Variants in BABAM2 observed in about 807,000 individuals in gnomAD.
BABAM2 encodes BRISC and BRCA1-A complex member 2.
In BABAM2, 31 loss-of-function variants were observed where a neutral mutation model predicts 54.7. The ratio of observed to expected loss-of-function variants is 0.57; its 90% CI spans 0.43 to 0.77. BABAM2 has a LOEUF of 0.77. Ranked by LOEUF, BABAM2 falls within the 30% of genes least tolerant of loss-of-function variation. The pLI is 0.00. For missense variants in BABAM2, 364 were observed against 455.8 expected, an observed-to-expected ratio of 0.80 and a Z score of 1.83; for synonymous variants, 167 against 162.9, an observed-to-expected ratio of 1.03 and a Z score of -0.19.
At chr2:28,254,728 A>ATTTTTTTTTTT in intron 10 of BABAM2, among the ~76,000 whole-genome samples, 1 of 122,400 alleles carries the variant, frequency 8.2e-6, no homozygotes. Context: ...TTTTTTTTCA[A>ATTTTTTTTTTT]TTTTTTTTTT....
chr2:28,315,052 G>C (rs911391002), intron 11 of BABAM2, among the ~76,000 whole-genome samples: 3 of 143,240 alleles, frequency 2.1e-5, no homozygotes, highest in African/African-American at 7.7e-5. Flanking sequence ...AAAGGGAAGG[G>C]GAGGGGAGGG....
chr2:28,201,079 T>C (rs1442169861), intron 7 of BABAM2, among the ~76,000 whole-genome samples: 3 of 152,100 alleles, frequency 2.0e-5, no homozygotes, highest in African/African-American at 7.2e-5. Flanking sequence ...CCTCTGTGAG[T>C]TTTTTAATGG....
At chr2:28,155,131 G>T (rs1223341464) in intron 7 of BABAM2, among the ~76,000 whole-genome samples, 1 of 152,018 alleles carries the variant, frequency 6.6e-6, no homozygotes, top group East Asian at 1.9e-4. Context: ...CTCAGAAAAG[G>T]CAGGCTAAAT....
chr2:28,094,003 T>G (rs1003615000), intron 6 of BABAM2, among the ~76,000 whole-genome samples: 5 of 152,176 alleles, frequency 3.3e-5, no homozygotes, highest in African/African-American at 1.2e-4. Context: ...TGAGCCAGGT[T>G]GAAGGACACA....
intron 3 of BABAM2, among the ~76,000 whole-genome samples, chr2:27,946,718 CAA>C (rs891088333): frequency 2.0e-4 from 30 of 151,484 alleles, no homozygotes; most frequent in African/African-American, 6.8e-4. Context: ...AGAGAGAGAG[CAA>C]GAGAGAGAGT....
At chr2:27,902,097 T>C (rs1195808803) in intron 2 of BABAM2, among the ~76,000 whole-genome samples, 3 of 152,228 alleles carry the variant, frequency 2.0e-5, no homozygotes, top group Non-Finnish European at 4.4e-5. Context: ...TGTTACACTG[T>C]TTAAATTATT....
intron 7 of BABAM2, among the ~76,000 whole-genome samples, chr2:28,217,689 C>T (rs910597864): frequency 1.4e-4 from 22 of 152,272 alleles, no homozygotes; most frequent in Middle Eastern, 3.4e-3. Flanking sequence ...GTTTTTATGT[C>T]ATATCATGCC....
At chr2:27,960,675 G>A (rs755448528) in intron 3 of BABAM2, among the ~76,000 whole-genome samples, 2 of 152,070 alleles carry the variant, frequency 1.3e-5, no homozygotes, top group Non-Finnish European at 2.9e-5. Context: ...AACTTTCTGA[G>A]GGCTGGCTGT....
chr2:28,007,769 A>T (rs1674080031), intron 4 of BABAM2, among the ~76,000 whole-genome samples: 1 of 152,086 alleles, frequency 6.6e-6, no homozygotes, highest in African/African-American at 2.4e-5. Context: ...TATGTCTTAG[A>T]ATGCTTTTAA....
At chr2:28,078,585 C>T (rs1222854116) in intron 6 of BABAM2, among the ~76,000 whole-genome samples, 1 of 152,004 alleles carries the variant, frequency 6.6e-6, no homozygotes, top group Non-Finnish European at 1.5e-5. Flanking sequence ...CATCCACTGG[C>T]AGGTCTTGGA....
At chr2:28,278,422 GACTTGGTGAAC>G (rs1290290595) in intron 10 of BABAM2, among the ~76,000 whole-genome samples, 7 of 152,180 alleles carry the variant, frequency 4.6e-5, no homozygotes, top group Admixed American at 4.6e-4. Flanking sequence ...GAATCAAAAG[GACTTGGTGAAC>G]ACTCAGATTT....
chr2:27,979,105 G>A (rs1007851130), intron 3 of BABAM2, among the ~76,000 whole-genome samples: 4 of 148,122 alleles, frequency 2.7e-5, no homozygotes, highest in African/African-American at 1.0e-4. Context: ...TCGGCTCACT[G>A]CAACCTCCAC....
At chr2:28,214,177 ATG>A (rs143088819) in intron 7 of BABAM2, among the ~76,000 whole-genome samples, 12 of 151,284 alleles carry the variant, frequency 7.9e-5, no homozygotes, top group Middle Eastern at 3.4e-3. Context: ...GTGTATGTAT[ATG>A]TGTGTGTGTG....
chr2:28,191,235 A>G (rs1676875995), intron 7 of BABAM2, among the ~76,000 whole-genome samples: 1 of 152,226 alleles, frequency 6.6e-6, no homozygotes. Context: ...AATGGGTAAA[A>G]TTTAAAAGTT....
chr2:28,139,395 C>G (rs76071681), intron 7 of BABAM2, among the ~76,000 whole-genome samples: 1 of 149,208 alleles, frequency 6.7e-6, no homozygotes, highest in Non-Finnish European at 1.5e-5. Context: ...ATGGTGAAAC[C>G]CTGCCTCTAC....
intron 7 of BABAM2, among the ~76,000 whole-genome samples, chr2:28,200,328 A>G (rs1306176959): frequency 6.6e-6 from 1 of 152,166 alleles, no homozygotes; most frequent in Non-Finnish European, 1.5e-5. Flanking sequence ...TTTGTCCCTT[A>G]TTACCCTCTA....
At chr2:28,072,957 A>G (rs1205954374) in intron 6 of BABAM2, among the ~76,000 whole-genome samples, 1 of 152,196 alleles carries the variant, frequency 6.6e-6, no homozygotes, top group Admixed American at 6.5e-5. Context: ...ATTATTTTGA[A>G]ACAAATTCCA....
At chr2:28,012,107 C>T (rs577437007) in intron 4 of BABAM2, among the ~76,000 whole-genome samples, 1 of 152,292 alleles carries the variant, frequency 6.6e-6, no homozygotes, top group African/African-American at 2.4e-5. Context: ...CAGAAGCACA[C>T]ATTAACTTAA....
At chr2:28,085,726 C>T (rs984025049) in intron 6 of BABAM2, among the ~76,000 whole-genome samples, 4 of 152,068 alleles carry the variant, frequency 2.6e-5, no homozygotes, top group African/African-American at 9.7e-5. Flanking sequence ...TTTAGTGTTT[C>T]TAGGGTATTG....
Sources: allele counts gnomAD v4.1 joint callset (sites outside exome capture counted in the v4.1 genomes callset), GRCh38; gene constraint gnomAD v4.1.1; transcripts MANE v1.5; gene names NCBI Gene and HGNC (gene_info 2026-07-23, HGNC 2026-07-21).